Variants in RCN1 observed in about 807,000 individuals in gnomAD.
RCN1 encodes reticulocalbin-1.
RCN1 carries 14 observed loss-of-function variants against 34.7 expected under a neutral mutation model. The observed-to-expected ratio is 0.40, with a 90% CI of 0.27 to 0.63. The LOEUF (loss-of-function observed/expected upper bound fraction) is 0.63. RCN1 is among the 30% of genes least tolerant of loss of function. The pLI is 0.37. For synonymous variants in RCN1, 125 were observed against 165.5 expected (o/e 0.76, Z 1.88); for missense variants, 326 against 425.1 (o/e 0.77, Z 2.05).
rs1201530276 is a variant in RCN1, at chr11:32,098,054, T to A, written c.449-296T>A. On this transcript the variant is annotated intron_variant, in intron 2 of 5. Coordinates refer to ENST00000054950, the MANE Select transcript of RCN1 (RefSeq NM_002901.4). The stretch of plus-strand genomic sequence containing the variant: ...CCTCTGTATGTTCCAGATCTAAGAA[T>A]GAGATGATGAAAGTAGAGTTCTGCA... Among the ~76,000 whole-genome samples, 2 of 152,132 alleles carry A rather than the reference T, an allele frequency of 1.3e-5. 1 individual carries two copies. Among genetic ancestry groups the A allele is most frequent in the East Asian group, 3.9e-4 (2 of 5,192 alleles).
At chr11:32,093,863 G>A (rs980090256) in intron 1 of RCN1, among the ~76,000 whole-genome samples, 1 of 152,220 alleles carries the variant, frequency 6.6e-6, no homozygotes, top group African/African-American at 2.4e-5. Context: ...GCAGGGAGAG[G>A]AGGTGAATGC....
At chr11:32,095,767 ACT>A (rs1851967301) in intron 1 of RCN1, among the ~76,000 whole-genome samples, 1 of 150,786 alleles carries the variant, frequency 6.6e-6, no homozygotes, top group Non-Finnish European at 1.5e-5. Context: ...TGCCCAGGCT[ACT>A]CTCAAACTCT....
At chr11:32,097,041 G>A in intron 1 of RCN1, 103 bp from the exon 2 acceptor site, 1 of 879,886 alleles carries the variant, frequency 1.1e-6, no homozygotes, top group East Asian at 2.8e-5. Context: ...TTTGGATTGT[G>A]CAGGTGTTTG....
chr11:32,095,503 G>A (rs1034912445), intron 1 of RCN1, among the ~76,000 whole-genome samples: 3 of 152,088 alleles, frequency 2.0e-5, no homozygotes, highest in Non-Finnish European at 4.4e-5. Context: ...AGCTTCCCAG[G>A]TTCACGCCAT....
At chr11:32,098,606 G>C in intron 3 of RCN1, 78 bp downstream of exon 3, 3 of 1,195,930 alleles carry the variant, frequency 2.5e-6, no homozygotes, top group Non-Finnish European at 3.5e-6. Context: ...TCCAAAGAGA[G>C]AAGATTTTTC....
chr11:32,094,004 G>A (rs1367919126), intron 1 of RCN1, among the ~76,000 whole-genome samples: 2 of 152,170 alleles, frequency 1.3e-5, no homozygotes, highest in Non-Finnish European at 2.9e-5. Flanking sequence ...GGGACATCCG[G>A]GTCTCTGGCC....
intron 4 of RCN1, chr11:32,102,347 A>G (rs1427770863): frequency 2.0e-5 from 3 of 152,168 alleles, no homozygotes; most frequent in Admixed American, 6.5e-5. Context: ...TTTCTCAAAA[A>G]CAATGTAGAC....
chr11:32,096,582 T>G (rs1440114426), intron 1 of RCN1: 1 of 145,624 alleles, frequency 6.9e-6, no homozygotes, highest in Admixed American at 7.0e-5. Context: ...TTCAAGTCTT[T>G]GTATCCATGG....
At chr11:32,091,677 C>G in intron 1 of RCN1, 1 of 539,418 alleles carries the variant, frequency 1.9e-6, no homozygotes, top group East Asian at 3.6e-5. Flanking sequence ...GGTGGTTTCT[C>G]GCGGGGAGGC....
Position 32,097,163 on chromosome 11 carries a change from G to C in RCN1, c.274G>C (p.Asp92His), listed in dbSNP as rs144307253. Reference sequence around the variant, plus strand: ...CTGCAGGAAGATTGTTGATCGAATCGACAATGATGGGGATGGCTTTGTCAC... The same window carrying C: ...CTGCAGGAAGATTGTTGATCGAATCCACAATGATGGGGATGGCTTTGTCAC... ...ERLGKIVDRI[D>H]NDGDGFVTTE... The change falls in exon 2 of 6, where the codon GAC becomes CAC. Residue 92 changes from aspartate (D) to histidine (H), a missense_variant. By Grantham distance (81) the Asp-to-His change is moderately conservative (BLOSUM62 -1). Transcript: ENST00000054950. The C allele has an allele frequency of 6.6e-7, 1 of 1,521,280 alleles. No individual in the cohort carries two copies. Among genetic ancestry groups the C allele is most frequent in the Non-Finnish European group, 8.8e-7 (1 of 1,140,762 alleles). 94.2% of individuals were successfully genotyped at this position (1,521,280 alleles called of 1,614,324 possible). A position where few individuals can be genotyped will look rare whatever the true frequency, so the allele number is the denominator to read the frequency against.
chr11:32,093,761 A>AAATGT (rs769536329), intron 1 of RCN1, among the ~76,000 whole-genome samples: 4 of 152,208 alleles, frequency 2.6e-5, no homozygotes, highest in Admixed American at 6.5e-5. Flanking sequence ...TACATTGTCA[A>AAATGT]AATGTCATAA....
chr11:32,091,462 G>T lies in RCN1; in HGVS notation c.254+12G>T. On this transcript the variant is annotated intron_variant, in intron 1 of 5. Transcript: ENST00000054950. ...AAGGAGAGGCTAGGGTGAGGCCGCG[G>T]CCAGGGCCCCGTGGGGGGCGGCGCA... The T allele has an allele frequency of 6.5e-7, 1 of 1,540,450 alleles. No homozygotes were observed. Among genetic ancestry groups the T allele is most frequent in the East Asian group, 2.5e-5 (1 of 39,888 alleles).
In RCN1 at chr11:32,104,506, G is replaced by A; in HGVS notation, c.*34G>A. 9.3e-7 allele frequency: 1 copy of A among 1,070,642 alleles called. No individual in the cohort carries two copies. 66.3% of individuals were successfully genotyped at this position (1,070,642 alleles called of 1,614,324 possible). A position where few individuals can be genotyped will look rare whatever the true frequency, so the allele number is the denominator to read the frequency against. ...CACCAGAATATGGCAGACTGTCATA[G>A]GCATTCTGTTATTGTCTTGGATTGT... is the stretch of plus-strand genomic sequence containing the variant. On this transcript the variant is annotated 3_prime_UTR_variant, in exon 6 of 6. Transcript: ENST00000054950.
rs1851918835 is a variant in RCN1 at position 32,091,339 on chromosome 11, G to C, written c.143G>C (p.Arg48Pro). The C allele has an allele frequency of 6.5e-7, 1 of 1,548,392 alleles. No individual in the cohort carries two copies. The highest frequency in any genetic ancestry group is 8.7e-7 in the Non-Finnish European group (1 of 1,146,272). Reference protein sequence around the residue: ...VVRPDSELGERPPEDNQSFQY... With the variant: ...VVRPDSELGEPPPEDNQSFQY... Reference sequence around the variant, plus strand: ...CGGCCCGACTCGGAGCTGGGCGAGCGGCCCCCTGAGGACAACCAGAGCTTC... The same window carrying C: ...CGGCCCGACTCGGAGCTGGGCGAGCCGCCCCCTGAGGACAACCAGAGCTTC... The change falls in exon 1 of 6, where the codon CGG (arginine) becomes CCG (proline). Residue 48 changes from arginine to proline, a missense_variant. Arg to Pro is a moderately radical substitution (Grantham distance 103, BLOSUM62 -2). Coordinates refer to ENST00000054950, the MANE Select transcript of RCN1 (RefSeq NM_002901.4).
At chr11:32,104,341 A>G (rs759693413) in intron 5 of RCN1, 24 bp from the exon 6 acceptor site, 1 of 1,373,358 alleles carries the variant, frequency 7.3e-7, no homozygotes, top group South Asian at 1.2e-5. Context: ...CTTCCATGAC[A>G]GTGCTCTTTG....
intron 1 of RCN1, among the ~76,000 whole-genome samples, chr11:32,094,647 C>T (rs1459760107): frequency 6.6e-6 from 1 of 152,220 alleles, no homozygotes; most frequent in Non-Finnish European, 1.5e-5. Context: ...TACTGTGTAG[C>T]AGCTACCATC....
At chr11:32,103,144 C>T (rs761029621) in intron 4 of RCN1, 137 bp from the exon 5 acceptor site, 7 of 713,196 alleles carry the variant, frequency 9.8e-6, no homozygotes, top group East Asian at 2.7e-5. Flanking sequence ...AAGAAGCTGC[C>T]TACCAGCTGT....
chr11:32,091,426 C>G lies in RCN1; in HGVS notation c.230C>G (p.Pro77Arg). Residue 77 changes from proline to arginine, a missense_variant, in exon 1 of 6, where the codon CCG (proline) becomes CGG (arginine). Pro to Arg is a moderately radical substitution (Grantham distance 103). Transcript: ENST00000054950. ...EDSKTFDQLT[P>R]DESKERLGKI... Reference sequence around the variant, plus strand: ...TCCAAGACCTTCGACCAGCTCACCCCGGACGAGAGCAAGGAGAGGCTAGGG... The same window carrying G: ...TCCAAGACCTTCGACCAGCTCACCCGGGACGAGAGCAAGGAGAGGCTAGGG... 2 of 1,547,832 alleles carry G rather than the reference C, an allele frequency of 1.3e-6. No homozygotes were observed. The highest frequency in any genetic ancestry group is 2.4e-5 in the South Asian group (2 of 83,456).
intron 4 of RCN1, among the ~76,000 whole-genome samples, chr11:32,101,240 T>TCCCCCCCCACCCAAAC (rs1428745801): frequency 7.9e-6 from 1 of 126,454 alleles, no homozygotes; most frequent in Non-Finnish European, 1.7e-5. Context: ...TAGCCCCAAA[T>TCCCCCCCCACCCAAAC]CCCCCCCAGC....
Sources: gnomAD v4.1 joint callset for allele counts (sites outside exome capture counted in the v4.1 genomes callset) on GRCh38, gnomAD v4.1.1 for gene constraint, MANE v1.5 for transcripts, NCBI Gene and HGNC (gene_info 2026-07-23, HGNC 2026-07-21) for gene names.